The following IMPG2 variants were observed in gnomAD, a reference collection of about 807,000 sequenced individuals.
IMPG2 encodes the protein IPM 200.
IMPG2 carries 91 observed loss-of-function variants against 129.2 expected under a neutral mutation model. The observed-to-expected ratio is 0.70, with a 90% CI of 0.59 to 0.84. The LOEUF (loss-of-function observed/expected upper bound fraction) is 0.84. IMPG2 is among the 40% of genes least tolerant of loss of function. IMPG2 has a pLI of 0.00. For synonymous variants in IMPG2, 510 were observed against 517.7 expected (o/e 0.99, Z 0.20); for missense variants, 1,430 against 1,461.7 (o/e 0.98, Z 0.35).
At chr3:101,297,585 T>G (rs538903691) in intron 3 of IMPG2, among the ~76,000 whole-genome samples, 4 of 152,340 alleles carry the variant, frequency 2.6e-5, no homozygotes, top group African/African-American at 7.2e-5. Flanking sequence ...TCCCAGAGAT[T>G]CTGGTATGTT....
chr3:101,230,704 A>C (rs1706275721), intron 16 of IMPG2, among the ~76,000 whole-genome samples: 1 of 152,092 alleles, frequency 6.6e-6, no homozygotes, highest in Non-Finnish European at 1.5e-5. Flanking sequence ...CCATCATTAA[A>C]ACTTTTAAGA....
intron 18 of IMPG2, 79 bp from the exon 19 acceptor site, chr3:101,227,060 T>A: frequency 7.5e-7 from 1 of 1,335,158 alleles, no homozygotes; most frequent in Non-Finnish European, 1.1e-6. Flanking sequence ...CATACATCAC[T>A]AAGCTATACT....
chr3:101,258,295 G>T (rs921112782), intron 9 of IMPG2, among the ~76,000 whole-genome samples: 2 of 152,064 alleles, frequency 1.3e-5, no homozygotes, highest in African/African-American at 4.8e-5. Flanking sequence ...CCTTTAAAAT[G>T]TTGTGCTGGA....
chr3:101,240,920 AC>A (rs1348981735), intron 14 of IMPG2, among the ~76,000 whole-genome samples: 1 of 152,104 alleles, frequency 6.6e-6, no homozygotes, highest in Non-Finnish European at 1.5e-5. Context: ...ATTCCTTCTC[AC>A]TCCTCAACCT....
At position 101,224,183 on chromosome 3, in the gene IMPG2, T is replaced by C. The variant is rs1253901725; in HGVS notation, c.*2786A>G. On this transcript the variant is annotated 3_prime_UTR_variant, in exon 19 of 19. Transcript: ENST00000193391. ...GATAAAAATGGGACTTCAGGCCACA[T>C]AAACGTGAACAAACACCCTTAAACC... 2 of 152,078 alleles carry C rather than the reference T, an allele frequency of 1.3e-5. No homozygotes were observed. The highest frequency in any genetic ancestry group is 2.9e-5 in the Non-Finnish European group (2 of 68,028). The allele number at this position is 152,078 out of a possible 1,614,324, so 9.4% of individuals were successfully genotyped here. A position where few individuals can be genotyped will look rare whatever the true frequency, so the allele number is the denominator to read the frequency against.
intron 14 of IMPG2, among the ~76,000 whole-genome samples, chr3:101,235,836 GA>G (rs1479439919): frequency 6.6e-6 from 1 of 152,184 alleles, no homozygotes; most frequent in Admixed American, 6.5e-5. Flanking sequence ...GATGGGTCTA[GA>G]AAAATGAGAG....
chr3:101,251,801 T>C (rs1471192539), intron 11 of IMPG2, among the ~76,000 whole-genome samples: 3 of 152,058 alleles, frequency 2.0e-5, no homozygotes, highest in African/African-American at 7.2e-5. Context: ...GTATATAAAA[T>C]AATTTTTAAA....
rs757602452 is a variant in IMPG2, at chr3:101,273,752, T to C, written c.667-10A>G. The stretch of plus-strand genomic sequence containing the variant: ...CAATTTCATTGCTAATCTGAATTTT[T>C]AGAGAAAGAACAATAAATGTCAAGG... On this transcript the variant is annotated splice_polypyrimidine_tract_variant and intron_variant, in intron 6 of 18. Transcript: ENST00000193391. 6 of 1,612,606 alleles carry C rather than the reference T, an allele frequency of 3.7e-6. No homozygotes were observed. In the Admixed American group the frequency reaches 1.0e-4, roughly 27 times the overall value.
chr3:101,289,707 G>A (rs1157356525), intron 4 of IMPG2, among the ~76,000 whole-genome samples: 3 of 151,952 alleles, frequency 2.0e-5, no homozygotes, highest in African/African-American at 7.3e-5. Context: ...TTGTCTTACA[G>A]AGGAGAGGCA....
At chr3:101,278,281 TC>T (rs1706858803) in intron 4 of IMPG2, among the ~76,000 whole-genome samples, 1 of 152,134 alleles carries the variant, frequency 6.6e-6, no homozygotes, top group African/African-American at 2.4e-5. Context: ...CAAGTCAACT[TC>T]CTAAAGTAAT....
At chr3:101,315,010 C>T (rs2058776403) in intron 2 of IMPG2, among the ~76,000 whole-genome samples, 1 of 152,146 alleles carries the variant, frequency 6.6e-6, no homozygotes, top group Non-Finnish European at 1.5e-5. Flanking sequence ...AAAAAAGACT[C>T]TCCCAGCTCC....
intron 2 of IMPG2, among the ~76,000 whole-genome samples, chr3:101,314,209 C>T (rs1221074360): frequency 6.6e-6 from 1 of 151,952 alleles, no homozygotes; most frequent in African/African-American, 2.4e-5. Flanking sequence ...AAGATTTTAA[C>T]AAATTGAATA....
In IMPG2 at chr3:101,244,481, C is replaced by A; in HGVS notation, c.1850G>T (p.Ser617Ile). Residue 617 changes from serine to isoleucine, a missense_variant, in exon 13 of 19, where the codon AGT becomes ATT. Transcript: ENST00000193391. ...AGCGCTCTTCTCTGATGAAGTCTCA[C>A]TCCATGGCCAAGTAATCAGATCTAC... ...QKVDLITWPW[S>I]ETSSEKSAEP... The A allele has an allele frequency of 6.2e-7, 1 of 1,613,708 alleles. No individual in the cohort carries two copies. Among genetic ancestry groups the A allele is most frequent in the Non-Finnish European group, 8.5e-7 (1 of 1,179,714 alleles).
At chr3:101,237,498 G>A (rs1706360189) in intron 14 of IMPG2, among the ~76,000 whole-genome samples, 1 of 152,086 alleles carries the variant, frequency 6.6e-6, no homozygotes, top group African/African-American at 2.4e-5. Flanking sequence ...TGCCCCTCTG[G>A]GACAAAGCTT....
chr3:101,291,278 T>C (rs1429304138), intron 4 of IMPG2, among the ~76,000 whole-genome samples: 1 of 152,180 alleles, frequency 6.6e-6, no homozygotes, highest in Non-Finnish European at 1.5e-5. Context: ...AGACAGCAAA[T>C]GCGCACAGTG....
rs530321310 is a variant in IMPG2, at chr3:101,275,568, T to C, written c.666+95A>G. ...GTCATTTTTCTAACAGGACACTACA[T>C]GAAGTCCTGTGTAGTCCAGCAATGG... On this transcript the variant is annotated intron_variant, in intron 6 of 18. Coordinates refer to ENST00000193391, the MANE Select transcript of IMPG2 (RefSeq NM_016247.4). 4.4e-4 allele frequency: 402 copies of C among 908,892 alleles called. 4 individuals carry two copies. The South Asian group carries it at 5.2e-3, about 12-fold the overall frequency. 56.3% of individuals were successfully genotyped at this position (908,892 alleles called of 1,614,324 possible).
At chr3:101,283,970 T>C (rs1041233412) in intron 4 of IMPG2, among the ~76,000 whole-genome samples, 3 of 152,174 alleles carry the variant, frequency 2.0e-5, no homozygotes, top group Non-Finnish European at 4.4e-5. Context: ...GAAGCTATTA[T>C]AAGAATAAAA....
intron 2 of IMPG2, among the ~76,000 whole-genome samples, chr3:101,313,496 T>C (rs1288084506): frequency 6.6e-6 from 1 of 152,134 alleles, no homozygotes; most frequent in African/African-American, 2.4e-5. Flanking sequence ...TGAGAAGATG[T>C]ACAAATGGGC....
At position 101,244,652 on chromosome 3, in the gene IMPG2, T is replaced by A. The variant is rs144565223; in HGVS notation, c.1679A>T (p.Tyr560Phe). The A allele has an allele frequency of 3.7e-4, 598 of 1,613,886 alleles. 3 individuals carry two copies. The African/African-American group carries it at 7.1e-3, about 19-fold the overall frequency. The change falls in exon 13 of 19, where the codon TAT (tyrosine) becomes TTT (phenylalanine). Residue 560 changes from tyrosine to phenylalanine, a missense_variant. By Grantham distance (22) the Tyr-to-Phe change is conservative. Transcript: ENST00000193391. ...GCCAAAAGGTATAGAAGAGGTCAGA[T>A]ATGGTGAAGATGTTAAGGACACATC... ...DSDVSLTSSPYLTSSIPFGLD... is the reference protein window; with the variant it reads ...DSDVSLTSSPFLTSSIPFGLD...
Sources: allele counts gnomAD v4.1 joint callset (sites outside exome capture counted in the v4.1 genomes callset), GRCh38; gene constraint gnomAD v4.1.1; transcripts MANE v1.5; gene names NCBI Gene and HGNC (gene_info 2026-07-23, HGNC 2026-07-21).